The following SEL1L2 variants were observed in gnomAD, a reference collection of about 807,000 sequenced individuals.
SEL1L2 encodes the protein protein sel-1 homolog 2.
In SEL1L2, 89 loss-of-function variants were observed where a neutral mutation model predicts 98.8. The ratio of observed to expected loss-of-function variants is 0.90; its 90% confidence interval spans 0.76 to 1.07. The LOEUF is 1.07. Ranked by LOEUF, SEL1L2 falls within the 50% of genes least tolerant of loss-of-function variation. The pLI is 0.00. For missense variants in SEL1L2, 788 were observed against 812.0 expected (o/e 0.97, Z 0.36); for synonymous variants, 262 against 278.5 (o/e 0.94, Z 0.59).
intron 17 of SEL1L2, 96 bp from the exon 18 acceptor site, chr20:13,859,530 A>AAT: frequency 9.3e-7 from 1 of 1,072,040 alleles, no homozygotes; most frequent in Non-Finnish European, 1.3e-6. Context: ...AGTCCTTTAA[A>AAT]ATATATATGT....
rs1452202522 is a variant in SEL1L2, at chr20:13,888,472, T to C, written c.590A>G (p.Tyr197Cys). Residue 197 changes from tyrosine (Y) to cysteine (C), a missense_variant, in exon 6 of 20, where the codon TAT becomes TGT. Coordinates refer to ENST00000284951, the MANE Select transcript of SEL1L2 (RefSeq NM_025229.2). ...FLSSYGIGMEYDQAKALIYYT... is the reference protein window; with the variant it reads ...FLSSYGIGMECDQAKALIYYT... Reference sequence around the variant, plus strand: ...AATGATCTTTACCTTAGCTTGATCATATTCCATTCCTATTCCATAAGAAGA... The same window carrying C: ...AATGATCTTTACCTTAGCTTGATCACATTCCATTCCTATTCCATAAGAAGA... The C allele has an allele frequency of 2.5e-6, 4 of 1,569,344 alleles. No individual in the cohort carries two copies. The highest frequency in any genetic ancestry group is 3.6e-5 in the Admixed American group (2 of 56,202).
At chr20:13,982,091 T>G (rs1217507460) in intron 1 of SEL1L2, among the ~76,000 whole-genome samples, 1 of 152,210 alleles carries the variant, frequency 6.6e-6, no homozygotes, top group African/African-American at 2.4e-5. Context: ...ATGAGCTATG[T>G]GCCCTTTTCA....
At chr20:13,876,406 C>CTTTTTTTT (rs11087067) in intron 11 of SEL1L2, among the ~76,000 whole-genome samples, 1 of 101,946 alleles carries the variant, frequency 9.8e-6, no homozygotes, top group South Asian at 3.7e-4. Context: ...CTCTCTCTCT[C>CTTTTTTTT]TTTTTTTTTT....
intron 1 of SEL1L2, among the ~76,000 whole-genome samples, chr20:13,969,551 A>C (rs895112711): frequency 3.3e-5 from 5 of 152,172 alleles, no homozygotes; most frequent in African/African-American, 1.2e-4. Flanking sequence ...CTGACAATTT[A>C]AGCCTTTGAA....
chr20:13,984,004 A>G (rs1246774161), intron 1 of SEL1L2, among the ~76,000 whole-genome samples: 2 of 133,520 alleles, frequency 1.5e-5, no homozygotes, highest in African/African-American at 5.6e-5. Flanking sequence ...ACTTTTACCA[A>G]TTGAAATCAG....
chr20:13,959,479 T>C (rs772959097), intron 1 of SEL1L2, among the ~76,000 whole-genome samples: 6 of 152,146 alleles, frequency 3.9e-5, no homozygotes, highest in East Asian at 1.9e-4. Context: ...TGAGCCAGCA[T>C]TGGTCAACAG....
chr20:13,967,837 C>G (rs2148496341), intron 1 of SEL1L2, among the ~76,000 whole-genome samples: 1 of 152,300 alleles, frequency 6.6e-6, no homozygotes, highest in East Asian at 1.9e-4. Context: ...AACATCCATA[C>G]AGCAAGAATT....
intron 1 of SEL1L2, among the ~76,000 whole-genome samples, chr20:13,980,232 T>C (rs541106130): frequency 2.0e-5 from 3 of 152,336 alleles, no homozygotes; most frequent in South Asian, 4.1e-4. Flanking sequence ...GAAATCTTTT[T>C]TGAGACAGAG....
intron 12 of SEL1L2, among the ~76,000 whole-genome samples, chr20:13,875,630 A>G (rs2147897492): frequency 6.6e-6 from 1 of 152,228 alleles, no homozygotes; most frequent in South Asian, 2.1e-4. Flanking sequence ...GAGACTGGAG[A>G]AAACTGGACA....
At chr20:13,983,817 C>T (rs573352407) in intron 1 of SEL1L2, among the ~76,000 whole-genome samples, 6 of 151,450 alleles carry the variant, frequency 4.0e-5, no homozygotes, top group East Asian at 2.0e-4. Context: ...CACTGTGGCC[C>T]GCCAGCACTA....
chr20:13,942,782 A>T (rs1422085077), intron 2 of SEL1L2, among the ~76,000 whole-genome samples: 1 of 152,166 alleles, frequency 6.6e-6, no homozygotes, highest in Non-Finnish European at 1.5e-5. Context: ...AAATGCATGT[A>T]TGTTTGAAAA....
intron 2 of SEL1L2, among the ~76,000 whole-genome samples, chr20:13,949,870 T>C (rs1017095425): frequency 2.0e-5 from 3 of 152,166 alleles, no homozygotes; most frequent in Non-Finnish European, 4.4e-5. Flanking sequence ...CCCAAAAGAA[T>C]TGAAACAGGG....
chr20:13,867,632 C>T (rs1364636825), intron 14 of SEL1L2, among the ~76,000 whole-genome samples: 1 of 152,180 alleles, frequency 6.6e-6, no homozygotes, highest in Non-Finnish European at 1.5e-5. Context: ...TTAGTTTGCT[C>T]ATCACAGTGG....
intron 1 of SEL1L2, among the ~76,000 whole-genome samples, chr20:13,986,041 C>G (rs1253193346): frequency 6.6e-6 from 1 of 152,118 alleles, no homozygotes; most frequent in East Asian, 1.9e-4. Flanking sequence ...TCATCAGTTG[C>G]TGGACATTTG....
At chr20:13,929,009 A>G (rs1032722619) in intron 3 of SEL1L2, among the ~76,000 whole-genome samples, 5 of 152,128 alleles carry the variant, frequency 3.3e-5, no homozygotes, top group African/African-American at 1.2e-4. Context: ...AACCCATCAA[A>G]AGGAGATTAT....
At chr20:13,912,686 AAGG>A (rs1321467065) in intron 5 of SEL1L2, among the ~76,000 whole-genome samples, 2 of 152,182 alleles carry the variant, frequency 1.3e-5, no homozygotes, top group Admixed American at 6.5e-5. Flanking sequence ...GCTCAGATGC[AAGG>A]AGATGAGACC....
In SEL1L2 at chr20:13,931,703, GATTAC is replaced by G; in HGVS notation, c.178_182del (p.Val60GlnfsTer2). On this transcript the variant is annotated frameshift_variant, in exon 3 of 20. Transcript: ENST00000284951. LOFTEE classifies it high-confidence loss of function. Reference sequence around the variant, plus strand: ...TCTCCAGGAGATTTTCTCTTTTATTGATTACATTACTAGATGTTCTTTGTTCCAAT... The same window carrying G: ...TCTCCAGGAGATTTTCTCTTTTATTGATTACTAGATGTTCTTTGTTCCAAT... 1 of 1,551,966 alleles carries G rather than the reference GATTAC, an allele frequency of 6.4e-7. No individual in the cohort carries two copies. The highest frequency in any genetic ancestry group is 2.3e-5 in the East Asian group (1 of 42,888).
chr20:13,895,788 A>C (rs1435308009), intron 5 of SEL1L2, among the ~76,000 whole-genome samples: 1 of 152,246 alleles, frequency 6.6e-6, no homozygotes, highest in African/African-American at 2.4e-5. Context: ...TCCAAATTGG[A>C]AAGGAAGAAG....
intron 3 of SEL1L2, among the ~76,000 whole-genome samples, chr20:13,929,291 G>T (rs1248262207): frequency 6.6e-6 from 1 of 151,394 alleles, no homozygotes. Context: ...GTTGAACCCT[G>T]ACCACTACAC....
Sources: allele counts gnomAD v4.1 joint callset (sites outside exome capture counted in the v4.1 genomes callset), GRCh38; gene constraint gnomAD v4.1.1; transcripts MANE v1.5; gene names NCBI Gene and HGNC (gene_info 2026-07-23, HGNC 2026-07-21).